The following FDX1 variants were observed in gnomAD, a reference collection of about 807,000 sequenced individuals.
FDX1 encodes ferredoxin 1.
In FDX1, 9 loss-of-function variants were observed where a neutral mutation model predicts 14.9. That is an observed-to-expected ratio of 0.60 (90% CI 0.36 to 1.05). The LOEUF is 1.05. Ranked by LOEUF, FDX1 falls within the 50% of genes least tolerant of loss-of-function variation. FDX1 has a pLI of 0.01. For synonymous variants in FDX1, 92 were observed against 99.4 expected (o/e 0.93, Z 0.44); for missense variants, 204 against 237.2 (o/e 0.86, Z 0.92).
chr11:110,456,059 T>C (rs1436607394), intron 2 of FDX1, among the ~76,000 whole-genome samples: 7 of 152,180 alleles, frequency 4.6e-5, no homozygotes, highest in Non-Finnish European at 8.8e-5. Flanking sequence ...AAACCACTGT[T>C]AAATTAATGA....
intron 2 of FDX1, among the ~76,000 whole-genome samples, chr11:110,442,357 A>T (rs376043781): frequency 5.3e-5 from 8 of 152,158 alleles, no homozygotes; most frequent in African/African-American, 1.9e-4. Flanking sequence ...AGCCACAGAC[A>T]CTCAATGCCA....
chr11:110,441,620 C>G (rs937642357), intron 2 of FDX1, among the ~76,000 whole-genome samples: 1 of 152,174 alleles, frequency 6.6e-6, no homozygotes, highest in African/African-American at 2.4e-5. Context: ...AATTTCTAAG[C>G]AGCAAATCAT....
intron 1 of FDX1, among the ~76,000 whole-genome samples, chr11:110,432,193 A>G (rs1290767923): frequency 6.6e-6 from 1 of 152,212 alleles, no homozygotes; most frequent in South Asian, 2.1e-4. Flanking sequence ...ATTGAGAGTC[A>G]GAAAAACTCC....
rs751789045 is a variant in FDX1 at position 110,464,874 on chromosome 11, A to T, written c.*2406A>T. Reference sequence around the variant, plus strand: ...CTTCTAAAATTATTAAATGGAGGATATAATCTATAATTGGTTTGTATAAAG... The same window carrying T: ...CTTCTAAAATTATTAAATGGAGGATTTAATCTATAATTGGTTTGTATAAAG... On this transcript the variant is annotated 3_prime_UTR_variant, in exon 4 of 4. Coordinates refer to ENST00000260270, the MANE Select transcript of FDX1 (RefSeq NM_004109.5). The T allele has an allele frequency of 1.3e-5, 2 of 152,212 alleles. No homozygotes were observed. Among genetic ancestry groups the T allele is most frequent in the African/African-American group, 4.8e-5 (2 of 41,448 alleles). The allele number at this position is 152,212 out of a possible 1,614,324, so 9.4% of individuals were successfully genotyped here. A position where few individuals can be genotyped will look rare whatever the true frequency, so the allele number is the denominator to read the frequency against.
Position 110,456,899 on chromosome 11 carries a change from T to C in FDX1, c.311-19T>C. 6.2e-7 allele frequency: 1 copy of C among 1,605,564 alleles called. No homozygotes were observed. Among genetic ancestry groups the C allele is most frequent in the Non-Finnish European group, 8.5e-7 (1 of 1,175,422 alleles). ...CTGATGTAGAAGGGACTATGTTCAG[T>C]GTTTGTTGCTTTTGTCAGGTGCATG... On this transcript the variant is annotated intron_variant, in intron 2 of 3. Transcript: ENST00000260270.
At chr11:110,447,273 CAAAAAAAAAA>C (rs541827807) in intron 2 of FDX1, among the ~76,000 whole-genome samples, 2 of 75,752 alleles carry the variant, frequency 2.6e-5, no homozygotes, top group African/African-American at 9.7e-5. Context: ...ACTAAAAATA[CAAAAAAAAAA>C]AAAAAAAAAA....
intron 2 of FDX1, among the ~76,000 whole-genome samples, chr11:110,446,572 A>G (rs948157862): frequency 6.6e-5 from 10 of 152,138 alleles, no homozygotes; most frequent in African/African-American, 2.2e-4. Context: ...TTTCCTCCTG[A>G]TGAAACCTGT....
chr11:110,430,523 T>A (rs758220643), intron 1 of FDX1, among the ~76,000 whole-genome samples: 8 of 152,192 alleles, frequency 5.3e-5, no homozygotes, highest in Non-Finnish European at 8.8e-5. Flanking sequence ...GCAGAGTTCC[T>A]TTCCGCATCA....
intron 2 of FDX1, among the ~76,000 whole-genome samples, chr11:110,444,685 C>CGTATATATATATAT (rs1946430925): frequency 8.2e-5 from 3 of 36,734 alleles, no homozygotes; most frequent in African/African-American, 4.9e-4. Flanking sequence ...TATATATATA[C>CGTATATATATATAT]ACGTATATAT....
intron 3 of FDX1, among the ~76,000 whole-genome samples, chr11:110,460,874 G>A (rs1460597730): frequency 6.6e-6 from 1 of 152,162 alleles, no homozygotes; most frequent in Admixed American, 6.5e-5. Flanking sequence ...TCTCTTTAGT[G>A]CATCCCAATG....
chr11:110,437,976 A>G (rs1384836988), intron 2 of FDX1, among the ~76,000 whole-genome samples: 1 of 152,186 alleles, frequency 6.6e-6, no homozygotes, highest in Non-Finnish European at 1.5e-5. Flanking sequence ...TATTCTTTTT[A>G]TGGCTGCATA....
upstream of FDX1, chr11:110,429,909 G>A (rs1591244280): frequency 2.9e-6 from 1 of 339,720 alleles, no homozygotes; most frequent in East Asian, 4.5e-5. Flanking sequence ...GCGGGGCCGC[G>A]CTCTGCTTGC....
At chr11:110,434,725 G>GTTT (rs56907322) in intron 1 of FDX1, among the ~76,000 whole-genome samples, 1,458 of 105,428 alleles carry the variant, frequency 0.014, 95 homozygotes, top group African/African-American at 0.037. Context: ...GACTTTTTTT[G>GTTT]TTTTTTTTTT....
chr11:110,454,734 A>G (rs1324674491), intron 2 of FDX1, among the ~76,000 whole-genome samples: 4 of 152,198 alleles, frequency 2.6e-5, no homozygotes, highest in African/African-American at 9.7e-5. Flanking sequence ...ATATATATTA[A>G]GTATACAGTC....
chr11:110,448,166 A>AT (rs937878350), intron 2 of FDX1, among the ~76,000 whole-genome samples: 2 of 151,974 alleles, frequency 1.3e-5, no homozygotes, highest in African/African-American at 2.4e-5. Context: ...CTCTCAAGAC[A>AT]TTTTTTTCTT....
chr11:110,432,681 C>T (rs1294404890), intron 1 of FDX1, among the ~76,000 whole-genome samples: 1 of 152,158 alleles, frequency 6.6e-6, no homozygotes, highest in Non-Finnish European at 1.5e-5. Context: ...GTTGACCAGC[C>T]TGGTCTGGAA....
intron 2 of FDX1, among the ~76,000 whole-genome samples, chr11:110,444,585 C>T (rs1268655083): frequency 2.0e-5 from 3 of 147,610 alleles, no homozygotes; most frequent in African/African-American, 7.6e-5. Context: ...CTCTGTACTC[C>T]ACCCTGGGTG....
intron 2 of FDX1, among the ~76,000 whole-genome samples, chr11:110,445,688 AT>A (rs981098708): frequency 6.6e-6 from 1 of 152,178 alleles, no homozygotes; most frequent in Non-Finnish European, 1.5e-5. Flanking sequence ...TCCCAGCTGT[AT>A]CCCTTTTTCA....
chr11:110,437,710 A>T (rs991771657), intron 2 of FDX1, among the ~76,000 whole-genome samples: 20 of 152,208 alleles, frequency 1.3e-4, no homozygotes, highest in African/African-American at 3.6e-4. Flanking sequence ...GTATCATGTG[A>T]TGCTGAAGTC....
Sources: gnomAD v4.1 joint callset for allele counts (sites outside exome capture counted in the v4.1 genomes callset) on GRCh38, gnomAD v4.1.1 for gene constraint, MANE v1.5 for transcripts, NCBI Gene and HGNC (gene_info 2026-07-23, HGNC 2026-07-21) for gene names.